The following ISY1 variants were observed in gnomAD, a reference collection of about 807,000 sequenced individuals.
ISY1 encodes ISY1 spliceosome associated protein.
In ISY1, 12 loss-of-function variants were observed where a neutral mutation model predicts 54.4. The observed-to-expected ratio is 0.22, with a 90% confidence interval of 0.14 to 0.36. The LOEUF is 0.36. ISY1 is among the 10% of genes least tolerant of loss of function. The pLI is 1.00. For synonymous variants in ISY1, 96 were observed against 117.9 expected, an observed-to-expected ratio of 0.81 and a Z score of 1.20; for missense variants, 282 against 342.2, an observed-to-expected ratio of 0.82 and a Z score of 1.39.
intron 5 of ISY1, among the ~76,000 whole-genome samples, chr3:129,153,510 G>A (rs1283181576): frequency 2.0e-5 from 3 of 152,164 alleles, no homozygotes; most frequent in Admixed American, 6.5e-5. Flanking sequence ...AGGGCTGGGC[G>A]CAGTGGCTCA....
intron 8 of ISY1, 61 bp from the exon 9 acceptor site, chr3:129,134,256 C>G (rs1228761186): frequency 6.2e-7 from 1 of 1,608,258 alleles, no homozygotes; most frequent in Non-Finnish European, 8.5e-7. Flanking sequence ...CAACACTATG[C>G]AGGGAAAGGC....
rs761932290 is a variant in ISY1, at chr3:129,158,556, C to T, written c.30G>A (p.Thr10=). The change falls in exon 3 of 11, where the codon ACG becomes ACA. Residue 10 remains threonine (T), a synonymous_variant. Coordinates refer to ENST00000393295, the MANE Select transcript of ISY1 (RefSeq NM_020701.4). Reference sequence around the variant, plus strand: ...GAGCCTGGCGAAATCTTGCTAAGGCCGTCCTACCAGCGATATAAAAGATAA... The same window carrying T: ...GAGCCTGGCGAAATCTTGCTAAGGCTGTCCTACCAGCGATATAAAAGATAA... MARNAEKAM[T]ALARFRQAQL... 2.0e-5 allele frequency: 32 copies of T among 1,613,880 alleles called. No individual in the cohort carries two copies. The highest frequency in any genetic ancestry group is 2.7e-5 in the African/African-American group (2 of 74,908).
intron 5 of ISY1, among the ~76,000 whole-genome samples, chr3:129,155,476 G>T (rs1265526823): frequency 6.6e-6 from 1 of 152,006 alleles, no homozygotes; most frequent in East Asian, 1.9e-4. Flanking sequence ...TTACAGGTGT[G>T]AGCCACCGCA....
intron 6 of ISY1, among the ~76,000 whole-genome samples, chr3:129,142,133 A>G (rs1352116222): frequency 6.8e-6 from 1 of 148,038 alleles, no homozygotes; most frequent in Non-Finnish European, 1.5e-5. Flanking sequence ...TGAACCTGGG[A>G]GGCGGAGGTT....
At chr3:129,139,932 G>C (rs573705321) in intron 7 of ISY1, among the ~76,000 whole-genome samples, 3 of 152,326 alleles carry the variant, frequency 2.0e-5, no homozygotes, top group Admixed American at 2.0e-4. Context: ...ATGAGCCACA[G>C]TGCTGGGCCT....
At chr3:129,151,215 GGT>G (rs887095612) in intron 5 of ISY1, among the ~76,000 whole-genome samples, 2 of 147,774 alleles carry the variant, frequency 1.4e-5, no homozygotes, top group African/African-American at 2.5e-5. Context: ...ATATATATGG[GGT>G]GTGTGTGTAT....
At chr3:129,140,312 A>G (rs1936568923) in intron 7 of ISY1, 56 bp downstream of exon 7, 1 of 1,497,324 alleles carries the variant, frequency 6.7e-7, no homozygotes, top group Non-Finnish European at 9.1e-7. Flanking sequence ...CATATAGCAT[A>G]TCTACTCTTA....
chr3:129,142,782 C>T (rs572385443), intron 6 of ISY1, among the ~76,000 whole-genome samples: 5 of 152,194 alleles, frequency 3.3e-5, no homozygotes, highest in African/African-American at 7.2e-5. Context: ...TGGCCAGGCA[C>T]GGTAGCTCAC....
intron 5 of ISY1, among the ~76,000 whole-genome samples, chr3:129,150,695 T>C (rs921048679): frequency 1.3e-4 from 20 of 151,940 alleles, no homozygotes; most frequent in African/African-American, 4.6e-4. Flanking sequence ...CAAGACTCCA[T>C]CTCAAAAAAA....
chr3:129,142,096 T>G (rs1006189201), intron 6 of ISY1, among the ~76,000 whole-genome samples: 1 of 151,676 alleles, frequency 6.6e-6, no homozygotes, highest in Non-Finnish European at 1.5e-5. Flanking sequence ...TTCCAGCTAC[T>G]TGGGAGGCTG....
intron 5 of ISY1, among the ~76,000 whole-genome samples, chr3:129,149,584 T>TAA (rs149839273): frequency 4.8e-4 from 8 of 16,680 alleles, no homozygotes; most frequent in Admixed American, 1.3e-3. Context: ...CCGTCTCTAC[T>TAA]AAAAAAAAAA....
chr3:129,159,198 G>A (rs1297647148), intron 1 of ISY1, 22 bp from the exon 2 acceptor site: 1 of 1,593,570 alleles, frequency 6.3e-7, no homozygotes. Context: ...GAAAAGAGAA[G>A]AAAAATGTCC....
At chr3:129,153,009 CTTTT>C (rs61374406) in intron 5 of ISY1, among the ~76,000 whole-genome samples, 1 of 111,726 alleles carries the variant, frequency 9.0e-6, no homozygotes, top group East Asian at 2.7e-4. Context: ...TTCTTTCCAT[CTTTT>C]TTTTTTTTTT....
At position 129,150,324 on chromosome 3, in the gene ISY1, T is replaced by C. The variant is rs147257071; in HGVS notation, c.188-4451A>G. 3.3e-5 allele frequency among the ~76,000 whole-genome samples: 5 copies of C among 152,298 alleles called. No individual in the cohort carries two copies. In the East Asian group the frequency reaches 7.7e-4, roughly 23 times the overall value. The stretch of plus-strand genomic sequence containing the variant: ...TAAGTCTTCCCATACAACAGCACAG[T>C]GTATCTCCCCATTCATTCGGGTCTT... On this transcript the variant is annotated intron_variant, in intron 5 of 10. Transcript: ENST00000393295.
intron 2 of ISY1, 42 bp downstream of exon 2, chr3:129,159,112 A>C: frequency 1.2e-6 from 2 of 1,601,152 alleles, no homozygotes; most frequent in Non-Finnish European, 1.7e-6. Context: ...GGTGGTTTTT[A>C]AGTTACAAAA....
intron 7 of ISY1, 109 bp downstream of exon 7, chr3:129,140,259 T>G (rs1936566815): frequency 3.2e-6 from 3 of 929,296 alleles, no homozygotes; most frequent in Non-Finnish European, 4.9e-6. Context: ...TCCTACACTA[T>G]AAGGCTGTTA....
At chr3:129,153,402 T>C (rs1201836329) in intron 5 of ISY1, among the ~76,000 whole-genome samples, 2 of 152,190 alleles carry the variant, frequency 1.3e-5, no homozygotes, top group Admixed American at 6.6e-5. Flanking sequence ...CTGTAGTTTA[T>C]TTAGGATAAT....
At chr3:129,131,473 G>A (rs928422610) in intron 9 of ISY1, among the ~76,000 whole-genome samples, 1 of 152,216 alleles carries the variant, frequency 6.6e-6, no homozygotes, top group Non-Finnish European at 1.5e-5. Context: ...GAGGTCAGGA[G>A]GGTGACCCCT....
intron 6 of ISY1, among the ~76,000 whole-genome samples, chr3:129,141,041 T>G (rs1265194835): frequency 2.2e-5 from 3 of 136,988 alleles, no homozygotes; most frequent in Admixed American, 7.2e-5. Flanking sequence ...CTGTCTCTAC[T>G]AAATATACAA....
Sources: gnomAD v4.1 joint callset for allele counts (sites outside exome capture counted in the v4.1 genomes callset) on GRCh38, gnomAD v4.1.1 for gene constraint, MANE v1.5 for transcripts, NCBI Gene and HGNC (gene_info 2026-07-23, HGNC 2026-07-21) for gene names.